Variants in PARD3 observed in about 807,000 individuals in gnomAD.
PARD3 encodes the protein par-3 family cell polarity regulator.
Under a neutral mutation model 155.4 loss-of-function variants are expected in PARD3, and 75 were observed. The ratio of observed to expected loss-of-function variants is 0.48; its 90% CI spans 0.40 to 0.58. The LOEUF (loss-of-function observed/expected upper bound fraction) is 0.58, where lower values mean the gene tolerates loss of function less well. Among genes scored for constraint, PARD3 ranks in the 20% least tolerant of loss-of-function variants. The probability of loss-of-function intolerance (pLI) is 0.00; values close to 1 mark genes in which losing one functional copy is unlikely to be tolerated. For synonymous variants in PARD3, 576 were observed against 610.5 expected, an observed-to-expected ratio of 0.94 and a Z score of 0.83; for missense variants, 1,642 against 1,721.7, an observed-to-expected ratio of 0.95 and a Z score of 0.82.
At position 34,111,204 on chromosome 10, in the gene PARD3, G is replaced by C; in HGVS notation, c.4027C>G (p.Gln1343Glu). The C allele has an allele frequency of 6.3e-7, 1 of 1,589,654 alleles. No individual in the cohort carries two copies. Among genetic ancestry groups the C allele is most frequent in the Non-Finnish European group, 8.6e-7 (1 of 1,164,276 alleles). Residue 1343 changes from glutamine to glutamate, a missense_variant, in exon 25 of 25, where the codon CAG (glutamine) becomes GAG (glutamate). Coordinates refer to ENST00000374788, the MANE Select transcript of PARD3 (RefSeq NM_001184785.2). ...PSQVARLNRLQTPEKGRPFYS is the reference protein window; with the variant it reads ...PSQVARLNRLETPEKGRPFYS ...AAGGGCCTCCCTTTCTCAGGAGTCT[G>C]AAGTCTGTTCAGCCTCGCAACCTGA...
chr10:34,400,761 G>A (rs774873240), intron 6 of PARD3, among the ~76,000 whole-genome samples: 5 of 151,520 alleles, frequency 3.3e-5, no homozygotes, highest in Non-Finnish European at 5.9e-5. Context: ...TTAATCACAT[G>A]CACTAATTAA....
intron 2 of PARD3, among the ~76,000 whole-genome samples, chr10:34,623,679 G>A (rs1449382185): frequency 2.0e-5 from 3 of 152,118 alleles, no homozygotes; most frequent in Non-Finnish European, 4.4e-5. Context: ...AGACAGACCT[G>A]TTTAACAATG....
chr10:34,470,296 A>C (rs780430174), intron 3 of PARD3, 33 bp from the exon 4 acceptor site: 75 of 1,486,236 alleles, frequency 5.0e-5, no homozygotes, highest in Non-Finnish European at 6.3e-5. Flanking sequence ...CTGAAAAATA[A>C]GATACTAATG....
chr10:34,761,654 G>A (rs1837450638), intron 1 of PARD3, among the ~76,000 whole-genome samples: 1 of 152,102 alleles, frequency 6.6e-6, no homozygotes, highest in African/African-American at 2.4e-5. Context: ...TTCCTCCCTT[G>A]ATGATTAAAA....
chr10:34,639,093 A>G (rs1454965129), intron 2 of PARD3, among the ~76,000 whole-genome samples: 2 of 152,220 alleles, frequency 1.3e-5, no homozygotes, highest in African/African-American at 4.8e-5. Context: ...ATGAAGATGT[A>G]TAAAGATGAT....
chr10:34,576,023 G>A (rs1048022654), intron 2 of PARD3, among the ~76,000 whole-genome samples: 1 of 152,218 alleles, frequency 6.6e-6, no homozygotes, highest in African/African-American at 2.4e-5. Context: ...ACGAGTCAGG[G>A]AAATGTGTGT....
At chr10:34,572,161 C>T (rs943671134) in intron 2 of PARD3, among the ~76,000 whole-genome samples, 1 of 152,028 alleles carries the variant, frequency 6.6e-6, no homozygotes, top group Non-Finnish European at 1.5e-5. Context: ...AAAGATTTGT[C>T]TCACTAACAA....
chr10:34,673,286 C>A (rs2093641147), intron 2 of PARD3, among the ~76,000 whole-genome samples: 1 of 152,138 alleles, frequency 6.6e-6, no homozygotes, highest in Admixed American at 6.5e-5. Flanking sequence ...ACAGATTAAA[C>A]TAAAGATAGC....
At chr10:34,415,356 T>C (rs953615806) in intron 5 of PARD3, among the ~76,000 whole-genome samples, 1 of 151,934 alleles carries the variant, frequency 6.6e-6, no homozygotes, top group African/African-American at 2.4e-5. Context: ...AGTACTTGAG[T>C]ACCATTAGAA....
intron 7 of PARD3, among the ~76,000 whole-genome samples, chr10:34,398,786 G>GT (rs1843603500): frequency 6.6e-6 from 1 of 152,142 alleles, no homozygotes; most frequent in Admixed American, 6.6e-5. Context: ...AAGTAATGAA[G>GT]TTGAGATTAA....
intron 1 of PARD3, among the ~76,000 whole-genome samples, chr10:34,787,250 G>A (rs1031628835): frequency 2.6e-5 from 4 of 152,102 alleles, no homozygotes; most frequent in African/African-American, 9.7e-5. Context: ...GTGGTGGCGG[G>A]CGCCTGTAAT....
intron 18 of PARD3, among the ~76,000 whole-genome samples, chr10:34,334,072 T>A (rs779458683): frequency 2.4e-4 from 36 of 151,984 alleles, no homozygotes; most frequent in Admixed American, 7.2e-4. Flanking sequence ...TAGTATCTTT[T>A]GTCTTAATTT....
intron 3 of PARD3, among the ~76,000 whole-genome samples, chr10:34,483,982 A>G (rs949869353): frequency 1.5e-4 from 23 of 152,156 alleles, no homozygotes; most frequent in African/African-American, 4.8e-4. Context: ...ACCTAATAAT[A>G]TATTTTCTCC....
At chr10:34,379,560 G>A (rs936596586) in intron 9 of PARD3, among the ~76,000 whole-genome samples, 3 of 151,934 alleles carry the variant, frequency 2.0e-5, no homozygotes, top group African/African-American at 7.2e-5. Context: ...CTCTCCTTTT[G>A]CAATACTAAC....
intron 21 of PARD3, among the ~76,000 whole-genome samples, chr10:34,277,211 C>G (rs1252993901): frequency 6.6e-6 from 1 of 152,106 alleles, no homozygotes; most frequent in Non-Finnish European, 1.5e-5. Context: ...GAAATTTAAG[C>G]TACAAAACAA....
intron 22 of PARD3, among the ~76,000 whole-genome samples, chr10:34,214,183 A>C (rs1792751293): frequency 6.6e-6 from 1 of 152,186 alleles, no homozygotes; most frequent in South Asian, 2.1e-4. Context: ...TACAGGTGTG[A>C]GCCATCGTGC....
chr10:34,787,374 AT>A (rs1841103877), intron 1 of PARD3, among the ~76,000 whole-genome samples: 1 of 152,150 alleles, frequency 6.6e-6, no homozygotes, highest in Non-Finnish European at 1.5e-5. Context: ...GTGAGACTCC[AT>A]CTCAAAAACA....
rs574621476 is a variant in PARD3, at chr10:34,432,037, G to C, written c.714+18280C>G. On this transcript the variant is annotated intron_variant, in intron 5 of 24. Transcript: ENST00000374788. ...AGCCTGGGCTACAGAGTGAGACTCT[G>C]TCTCAAAAAAAAAAAAAAAAAAAAA... Among the ~76,000 whole-genome samples, 31 of 29,552 alleles carry C rather than the reference G, an allele frequency of 1.0e-3. No homozygotes were observed. In the South Asian group the frequency reaches 0.026, roughly 25 times the overall value. The allele number at this position is 29,552 out of a possible 152,430, so 19.4% of individuals were successfully genotyped here.
At position 34,424,202 on chromosome 10, in the gene PARD3, G is replaced by A. The variant is rs1404077042; in HGVS notation, c.715-22285C>T. Among the ~76,000 whole-genome samples, 2 of 152,114 alleles carry A rather than the reference G, an allele frequency of 1.3e-5. 1 individual carries two copies. The highest frequency in any genetic ancestry group is 4.8e-5 in the African/African-American group (2 of 41,410). On this transcript the variant is annotated intron_variant, in intron 5 of 24. Coordinates refer to ENST00000374788, the MANE Select transcript of PARD3 (RefSeq NM_001184785.2). ...TTTCTTACATACAGCAATGCATGCA[G>A]GGGATGAAAAATAAAATCACCAGTC...
Sources: gnomAD v4.1 joint callset for allele counts (sites outside exome capture counted in the v4.1 genomes callset) on GRCh38, gnomAD v4.1.1 for gene constraint, MANE v1.5 for transcripts, NCBI Gene and HGNC (gene_info 2026-07-23, HGNC 2026-07-21) for gene names.